The following CCDC148 variants were observed in gnomAD, a reference collection of about 807,000 sequenced individuals.
The protein encoded by CCDC148 is coiled-coil domain containing 148.
Under a neutral mutation model 85.7 loss-of-function variants are expected in CCDC148, and 89 were observed. The observed-to-expected ratio is 1.04, with a 90% confidence interval of 0.87 to 1.24. CCDC148 has a LOEUF of 1.24. CCDC148 is among the 50% of genes most tolerant of loss of function. The pLI is 0.00. For synonymous variants in CCDC148, 230 were observed against 213.9 expected, an observed-to-expected ratio of 1.08 and a Z score of -0.66; for missense variants, 692 against 671.7, an observed-to-expected ratio of 1.03 and a Z score of -0.33.
At chr2:158,270,621 C>T (rs534120110) in intron 9 of CCDC148, among the ~76,000 whole-genome samples, 1 of 152,274 alleles carries the variant, frequency 6.6e-6, no homozygotes, top group African/African-American at 2.4e-5. Flanking sequence ...CTTGCCATGG[C>T]TGTCCATACA....
At chr2:158,325,466 G>A (rs1326309119) in intron 7 of CCDC148, among the ~76,000 whole-genome samples, 1 of 152,090 alleles carries the variant, frequency 6.6e-6, no homozygotes, top group Admixed American at 6.6e-5. Context: ...ACATTGTAAT[G>A]TTGGCAGGCC....
At chr2:158,260,738 CAA>C (rs1689187690) in intron 9 of CCDC148, among the ~76,000 whole-genome samples, 1 of 151,882 alleles carries the variant, frequency 6.6e-6, no homozygotes, top group South Asian at 2.1e-4. Flanking sequence ...AGCTGAGAGC[CAA>C]AACACGAATG....
chr2:158,252,273 C>A (rs1184616764), intron 9 of CCDC148, among the ~76,000 whole-genome samples: 1 of 151,592 alleles, frequency 6.6e-6, no homozygotes, highest in South Asian at 2.1e-4. Context: ...CCTTGTTTAT[C>A]AAAATAACCC....
At chr2:158,281,199 A>G (rs897243309) in intron 9 of CCDC148, among the ~76,000 whole-genome samples, 1 of 152,092 alleles carries the variant, frequency 6.6e-6, no homozygotes, top group Non-Finnish European at 1.5e-5. Flanking sequence ...TTGACACCCT[A>G]ACATCACAAT....
intron 1 of CCDC148, among the ~76,000 whole-genome samples, chr2:158,377,281 G>C (rs1040500246): frequency 1.2e-4 from 18 of 149,688 alleles, no homozygotes; most frequent in Admixed American, 4.7e-4. Context: ...TCGATGGTGT[G>C]GGGGGGGTGG....
At chr2:158,382,072 C>T (rs1032521031) in intron 1 of CCDC148, among the ~76,000 whole-genome samples, 3 of 152,066 alleles carry the variant, frequency 2.0e-5, no homozygotes, top group Non-Finnish European at 2.9e-5. Flanking sequence ...GTATTTGCCC[C>T]TTCCACCATG....
intron 2 of CCDC148, among the ~76,000 whole-genome samples, chr2:158,353,366 A>G (rs1189130217): frequency 3.3e-5 from 5 of 150,628 alleles, no homozygotes; most frequent in Admixed American, 6.6e-5. Context: ...GGCTGAAAAT[A>G]AAAGGATGGA....
chr2:158,291,549 T>C lies in CCDC148; in HGVS notation c.1110+17884A>G, dbSNP rs538050790. ...CCTCATTTTACCAAGCTACCAATCC[T>C]ATCCTTGAGCAATTTGTTGAAAGGG... On this transcript the variant is annotated intron_variant, in intron 9 of 13. Coordinates refer to ENST00000283233, the MANE Select transcript of CCDC148 (RefSeq NM_138803.4). Among the ~76,000 whole-genome samples, 3 of 152,360 alleles carry C rather than the reference T, an allele frequency of 2.0e-5. No individual in the cohort carries two copies. The South Asian group carries it at 6.2e-4, about 32-fold the overall frequency.
At chr2:158,241,404 C>G (rs954108244) in intron 10 of CCDC148, among the ~76,000 whole-genome samples, 1 of 152,020 alleles carries the variant, frequency 6.6e-6, no homozygotes. Flanking sequence ...AATAAGAGCT[C>G]CCATTGACCT....
chr2:158,427,169 CATAA>C (rs1177278082), intron 1 of CCDC148, among the ~76,000 whole-genome samples: 1 of 151,954 alleles, frequency 6.6e-6, no homozygotes, highest in Non-Finnish European at 1.5e-5. Context: ...TTTAAAAGGC[CATAA>C]ATAGTCATTC....
chr2:158,443,180 C>CA (rs562781931), intron 1 of CCDC148, among the ~76,000 whole-genome samples: 1 of 149,534 alleles, frequency 6.7e-6, no homozygotes, highest in African/African-American at 2.4e-5. Context: ...AAAAAACAAA[C>CA]AAAAAAAAGT....
intron 1 of CCDC148, among the ~76,000 whole-genome samples, chr2:158,396,105 C>T (rs975121146): frequency 2.0e-5 from 3 of 151,920 alleles, no homozygotes; most frequent in African/African-American, 7.3e-5. Flanking sequence ...AAAATTTTTC[C>T]CTGAGAGAGG....
Position 158,438,404 on chromosome 2 carries a change from C to T in CCDC148, c.25+18011G>A, listed in dbSNP as rs574119960. On this transcript the variant is annotated intron_variant, in intron 1 of 13. Coordinates refer to ENST00000283233, the MANE Select transcript of CCDC148 (RefSeq NM_138803.4). ...ATTCCCTATTTAATAAATGGTGCTG[C>T]AAAAACTGGCTAGCCATATGTAGAA... Among the ~76,000 whole-genome samples the T allele has an allele frequency of 3.3e-5, 5 of 152,168 alleles. No homozygotes were observed. In the South Asian group the frequency reaches 8.3e-4, roughly 25 times the overall value.
intron 1 of CCDC148, among the ~76,000 whole-genome samples, chr2:158,422,513 GC>G (rs1433616642): frequency 5.3e-5 from 8 of 152,190 alleles, no homozygotes; most frequent in African/African-American, 1.9e-4. Context: ...CGCAGAAAAG[GC>G]CTTTGACGAA....
chr2:158,320,012 T>C (rs1277874131), intron 7 of CCDC148, among the ~76,000 whole-genome samples: 1 of 152,236 alleles, frequency 6.6e-6, no homozygotes, highest in East Asian at 1.9e-4. Context: ...TACCATTTTA[T>C]TCTTCATTTT....
chr2:158,229,705 C>CCA (rs1280617575), intron 10 of CCDC148, among the ~76,000 whole-genome samples: 2 of 152,144 alleles, frequency 1.3e-5, no homozygotes, highest in Non-Finnish European at 2.9e-5. Context: ...GCTGCAGATC[C>CCA]CATTCCCAAT....
chr2:158,355,295 G>C (rs1040181771), intron 2 of CCDC148, among the ~76,000 whole-genome samples: 1 of 152,014 alleles, frequency 6.6e-6, no homozygotes, highest in Admixed American at 6.6e-5. Flanking sequence ...AATTGTCCCT[G>C]TTTGCAGACG....
intron 1 of CCDC148, among the ~76,000 whole-genome samples, chr2:158,369,459 T>C (rs1005031335): frequency 1.3e-5 from 2 of 152,160 alleles, no homozygotes; most frequent in Non-Finnish European, 2.9e-5. Flanking sequence ...TTATTCATGA[T>C]TTGGCTCTCT....
chr2:158,380,192 A>C (rs573964959), intron 1 of CCDC148, among the ~76,000 whole-genome samples: 1 of 152,154 alleles, frequency 6.6e-6, no homozygotes, highest in South Asian at 2.1e-4. Flanking sequence ...GTATGCTTGC[A>C]GCCGAATTAT....
Sources: allele counts gnomAD v4.1 joint callset (sites outside exome capture counted in the v4.1 genomes callset), GRCh38; gene constraint gnomAD v4.1.1; transcripts MANE v1.5; gene names NCBI Gene and HGNC (gene_info 2026-07-23, HGNC 2026-07-21).